The following ECM2 variants were observed in gnomAD, a reference collection of about 807,000 sequenced individuals.
ECM2 encodes extracellular matrix protein 2, also known as extracellular matrix protein 2, female organ and adipocyte specific.
Under a neutral mutation model 67.5 loss-of-function variants are expected in ECM2, and 57 were observed. The ratio of observed to expected loss-of-function variants is 0.84; its 90% CI spans 0.68 to 1.05. The LOEUF (loss-of-function observed/expected upper bound fraction) is 1.05. Ranked by LOEUF, ECM2 falls within the 50% of genes least tolerant of loss-of-function variation. The pLI is 0.00. For missense variants in ECM2, 741 were observed against 822.8 expected (o/e 0.90, Z 1.22); for synonymous variants, 258 against 294.5 (o/e 0.88, Z 1.27).
At chr9:92,536,667 A>T (rs1849178957), upstream of ECM2, 1 of 152,292 alleles carries the variant, frequency 6.6e-6, no homozygotes, top group Non-Finnish European at 1.5e-5. Context: ...GAGAAGTTAG[A>T]GACAGATCAG....
the ECM2 span, among the ~76,000 whole-genome samples, chr9:92,552,188 T>TAC: frequency 3.6e-4 from 36 of 100,084 alleles, 2 homozygotes; most frequent in African/African-American, 1.5e-3. Context: ...AGATCTATCA[T>TAC]ATACACACAC....
chr9:92,498,389 T>C (rs1380153283), intron 9 of ECM2, among the ~76,000 whole-genome samples: 1 of 152,042 alleles, frequency 6.6e-6, no homozygotes, highest in African/African-American at 2.4e-5. Flanking sequence ...ACATGGCACA[T>C]GTATATATAT....
intron 2 of ECM2, among the ~76,000 whole-genome samples, chr9:92,518,858 C>T (rs181633420): frequency 4.7e-4 from 72 of 152,298 alleles, no homozygotes; most frequent in Non-Finnish European, 2.6e-4. Context: ...CACTGTACTC[C>T]AGTCTGGATG....
At chr9:92,537,109 C>T (rs1588254042), upstream of ECM2, among the ~76,000 whole-genome samples, 1 of 151,650 alleles carries the variant, frequency 6.6e-6, no homozygotes, top group Non-Finnish European at 1.5e-5. Context: ...CTCTTGACCT[C>T]ATGTGATCCA....
At chr9:92,550,633 A>G in the ECM2 span, among the ~76,000 whole-genome samples, 1 of 151,916 alleles carries the variant, frequency 6.6e-6, no homozygotes, top group Admixed American at 6.6e-5. Context: ...CTAGATAGTT[A>G]TGCATGTAAA....
the ECM2 span, among the ~76,000 whole-genome samples, chr9:92,553,350 G>A: frequency 6.6e-6 from 1 of 152,136 alleles, no homozygotes; most frequent in South Asian, 2.1e-4. Flanking sequence ...GATGTCTCCA[G>A]ATTTGTTCTT....
the ECM2 span, among the ~76,000 whole-genome samples, chr9:92,553,004 G>C: frequency 2.0e-5 from 3 of 150,992 alleles, no homozygotes; most frequent in Non-Finnish European, 3.0e-5. Context: ...GTCTAGAAGG[G>C]TTTTCCCAAT....
intron 2 of ECM2, among the ~76,000 whole-genome samples, chr9:92,520,333 G>A (rs1847988027): frequency 6.6e-6 from 1 of 152,010 alleles, no homozygotes; most frequent in Non-Finnish European, 1.5e-5. Flanking sequence ...TTTCTCCAAG[G>A]AAGATATGCA....
intron 2 of ECM2, 60 bp from the exon 3 acceptor site, chr9:92,517,935 G>A: frequency 6.3e-7 from 1 of 1,589,460 alleles, no homozygotes; most frequent in South Asian, 1.1e-5. Context: ...AACTGTGAAT[G>A]GAAGTAAACA....
At chr9:92,548,100 A>T in the ECM2 span, among the ~76,000 whole-genome samples, 23 of 152,216 alleles carry the variant, frequency 1.5e-4, no homozygotes, top group African/African-American at 4.1e-4. Flanking sequence ...AATATATAAA[A>T]ATAAATAGTG....
intron 1 of ECM2, among the ~76,000 whole-genome samples, chr9:92,532,101 T>C (rs572340555): frequency 2.1e-5 from 3 of 144,740 alleles, no homozygotes; most frequent in African/African-American, 8.0e-5. Flanking sequence ...GCTAAAGCGA[T>C]CCACCTGACT....
Position 92,522,805 on chromosome 9 carries a change from T to C in ECM2, c.62A>G (p.Lys21Arg). ...LLIIFQTDFG[K>R]NEEIPRKQRR... ...TTGCTTCCTAGGAATTTCTTCATTT[T>C]TTCCAAAGTCAGTTTGAAAAATGAT... Residue 21 changes from lysine (K) to arginine (R), a missense_variant, in exon 2 of 10, where the codon AAA becomes AGA. Transcript: ENST00000344604. 1 of 1,613,128 alleles carries C rather than the reference T, an allele frequency of 6.2e-7. No individual in the cohort carries two copies. The highest frequency in any genetic ancestry group is 8.5e-7 in the Non-Finnish European group (1 of 1,179,832).
chr9:92,517,811 C>T lies in ECM2; in HGVS notation c.357G>A (p.Glu119=), dbSNP rs34729575. Residue 119 remains glutamate, a synonymous_variant, in exon 3 of 10, where the codon GAG becomes GAA. Transcript: ENST00000344604. The part of the protein sequence containing the change: ...TMYNKAVWSP[E]PCTTCLCSDG... ...CTGAGCAGAGGCAGGTAGTGCAGGG[C>T]TCAGGCGACCACACAGCTTTGTTGT... 8.7e-6 allele frequency: 14 copies of T among 1,614,192 alleles called. No individual in the cohort carries two copies. Among genetic ancestry groups the T allele is most frequent in the East Asian group, 2.2e-5 (1 of 44,880 alleles).
chr9:92,533,328 A>AATAT (rs202147064), intron 1 of ECM2, among the ~76,000 whole-genome samples: 1,093 of 38,302 alleles, frequency 0.029, 23 homozygotes, highest in African/African-American at 0.05. Context: ...AAAAAAAAAA[A>AATAT]ATATATATAT....
chr9:92,532,013 A>ATTTTTTT (rs1368397928), intron 1 of ECM2, among the ~76,000 whole-genome samples: 3 of 68,912 alleles, frequency 4.4e-5, no homozygotes, highest in African/African-American at 1.2e-4. Flanking sequence ...TTTTTATTTA[A>ATTTTTTT]TGTTTTTTTT....
At chr9:92,552,044 T>TATAGGTCTATCATATATGTGATATG in the ECM2 span, among the ~76,000 whole-genome samples, 6 of 65,656 alleles carry the variant, frequency 9.1e-5, 1 homozygote, top group African/African-American at 3.4e-4. Context: ...TATGTGATAT[T>TATAGGTCTATCATATATGTGATATG]ATAGGTCTAT....
At chr9:92,496,940 CAA>C (rs34069793) in intron 9 of ECM2, among the ~76,000 whole-genome samples, 12 of 112,182 alleles carry the variant, frequency 1.1e-4, no homozygotes, top group African/African-American at 1.3e-4. Flanking sequence ...ATAAGGTTTG[CAA>C]AAAAAAAAAA....
At chr9:92,511,085 C>T (rs1320336849) in intron 5 of ECM2, among the ~76,000 whole-genome samples, 2 of 152,118 alleles carry the variant, frequency 1.3e-5, no homozygotes, top group South Asian at 2.1e-4. Context: ...ACATAAACCC[C>T]TTTTCTCTTG....
the ECM2 span, among the ~76,000 whole-genome samples, chr9:92,545,592 C>T: frequency 5.3e-5 from 8 of 152,234 alleles, no homozygotes; most frequent in Admixed American, 2.6e-4. Context: ...TGCTCCACCG[C>T]GTCCAGTCCC....
Sources: gnomAD v4.1 joint callset for allele counts (sites outside exome capture counted in the v4.1 genomes callset) on GRCh38, gnomAD v4.1.1 for gene constraint, MANE v1.5 for transcripts, NCBI Gene and HGNC (gene_info 2026-07-23, HGNC 2026-07-21) for gene names.